SEL1L3: variants seen among roughly 807,000 people sequenced by gnomAD.
SEL1L3 encodes the protein protein sel-1 homolog 3.
SEL1L3 carries 76 observed loss-of-function variants against 142.8 expected under a neutral mutation model. That is an observed-to-expected ratio of 0.53 (90% CI 0.44 to 0.64). The LOEUF (loss-of-function observed/expected upper bound fraction) is 0.64. Ranked by LOEUF, SEL1L3 falls within the 30% of genes least tolerant of loss-of-function variation. The pLI, the probability that SEL1L3 is intolerant of heterozygous loss-of-function variation, is 0.00. For missense variants in SEL1L3, 1,262 were observed against 1,381.7 expected (o/e 0.91, Z 1.37); for synonymous variants, 504 against 519.6 (o/e 0.97, Z 0.41).
chr4:25,837,758 A>G (rs187423687), intron 2 of SEL1L3, among the ~76,000 whole-genome samples: 1 of 152,260 alleles, frequency 6.6e-6, no homozygotes, highest in Admixed American at 6.5e-5. Flanking sequence ...TCTGAATAAC[A>G]TATAGGATAT....
At chr4:25,759,201 C>G in intron 20 of SEL1L3, 133 bp from the exon 21 acceptor site, 1 of 884,672 alleles carries the variant, frequency 1.1e-6, no homozygotes, top group South Asian at 1.8e-5. Context: ...GTTTTGTCAT[C>G]TTCATTGATG....
rs201859608 is a variant in SEL1L3, at chr4:25,818,292, G to C, written c.1424-14C>G. On this transcript the variant is annotated splice_polypyrimidine_tract_variant and intron_variant, in intron 8 of 23. Coordinates refer to ENST00000399878, the MANE Select transcript of SEL1L3 (RefSeq NM_015187.5). Reference sequence around the variant, plus strand: ...TGTGGAGGTGGCCTACACAGAAGAGGGAGCAGAAGATATCACACCCTTTAG... The same window carrying C: ...TGTGGAGGTGGCCTACACAGAAGAGCGAGCAGAAGATATCACACCCTTTAG... 24 of 1,590,320 alleles carry C rather than the reference G, an allele frequency of 1.5e-5. No individual in the cohort carries two copies. The African/African-American group carries it at 3.1e-4, about 20-fold the overall frequency.
intron 17 of SEL1L3, among the ~76,000 whole-genome samples, chr4:25,772,385 A>C (rs776512996): frequency 6.6e-6 from 1 of 152,174 alleles, no homozygotes; most frequent in Non-Finnish European, 1.5e-5. Context: ...TATGGTGGGC[A>C]AGAGAGTAAA....
intron 9 of SEL1L3, among the ~76,000 whole-genome samples, chr4:25,813,683 TTCAGA>T (rs1464694457): frequency 1.3e-5 from 2 of 152,188 alleles, no homozygotes; most frequent in Non-Finnish European, 2.9e-5. Context: ...CTAAAACTGG[TTCAGA>T]TGGCAAATTT....
the SEL1L3 span, among the ~76,000 whole-genome samples, chr4:25,721,256 T>C: frequency 5.3e-5 from 8 of 152,024 alleles, 2 homozygotes; most frequent in East Asian, 1.6e-3. Context: ...TGAGTTCTGA[T>C]AAGGAGCTGC....
chr4:25,789,446 A>G lies in SEL1L3; in HGVS notation c.2076+1009T>C, dbSNP rs573692552. On this transcript the variant is annotated intron_variant, in intron 12 of 23. Transcript: ENST00000399878. The stretch of plus-strand genomic sequence containing the variant: ...AAATTAAAAATTAGCAGGGCATGGC[A>G]TGGTGGCACATGCCTATAGTTCCAG... Among the ~76,000 whole-genome samples, 6 of 152,140 alleles carry G rather than the reference A, an allele frequency of 3.9e-5. No homozygotes were observed. In the South Asian group the frequency reaches 6.2e-4, roughly 16 times the overall value.
intron 10 of SEL1L3, among the ~76,000 whole-genome samples, chr4:25,802,827 C>G (rs888165621): frequency 5.9e-5 from 9 of 152,078 alleles, no homozygotes; most frequent in African/African-American, 2.2e-4. Flanking sequence ...ATGATCTACC[C>G]GCCTCGGTTT....
Position 25,767,839 on chromosome 4 carries a change from A to G in SEL1L3, c.2670-9T>C, listed in dbSNP as rs1217519534. ...ACAGCAAAGCTTCATGCCTAAAAAT[A>G]GATGATTAATAATAAATTTCATATA... is the stretch of plus-strand genomic sequence containing the variant. On this transcript the variant is annotated splice_polypyrimidine_tract_variant and intron_variant, in intron 17 of 23. Coordinates refer to ENST00000399878, the MANE Select transcript of SEL1L3 (RefSeq NM_015187.5). 5 of 1,501,766 alleles carry G rather than the reference A, an allele frequency of 3.3e-6. No individual in the cohort carries two copies. Among genetic ancestry groups the G allele is most frequent in the Admixed American group, 3.9e-5 (2 of 51,200 alleles). 93.0% of individuals were successfully genotyped at this position (1,501,766 alleles called of 1,614,324 possible). A position where few individuals can be genotyped will look rare whatever the true frequency, so the allele number is the denominator to read the frequency against.
chr4:25,713,980 C>A, the SEL1L3 span, among the ~76,000 whole-genome samples: 1 of 152,244 alleles, frequency 6.6e-6, no homozygotes, highest in East Asian at 1.9e-4. Context: ...TGCAATTTAT[C>A]TATTTATTTT....
At chr4:25,744,380 G>A (rs985494163), downstream of SEL1L3, among the ~76,000 whole-genome samples, 2 of 119,156 alleles carry the variant, frequency 1.7e-5, no homozygotes, top group East Asian at 2.2e-4. Flanking sequence ...ACGGAGCCTC[G>A]CTCTGTCACC....
At chr4:25,854,012 T>C (rs547465467) in intron 1 of SEL1L3, among the ~76,000 whole-genome samples, 16 of 152,270 alleles carry the variant, frequency 1.1e-4, no homozygotes, top group African/African-American at 3.9e-4. Flanking sequence ...GAATTTAAAA[T>C]GATATATGTG....
chr4:25,739,730 A>C, the SEL1L3 span, among the ~76,000 whole-genome samples: 1 of 150,386 alleles, frequency 6.6e-6, no homozygotes, highest in Non-Finnish European at 1.5e-5. Context: ...CAAAAAAAAA[A>C]CCCATGTGTG....
chr4:25,789,188 A>G (rs150680114), intron 12 of SEL1L3, among the ~76,000 whole-genome samples: 25 of 152,044 alleles, frequency 1.6e-4, no homozygotes, highest in African/African-American at 6.0e-4. Context: ...TTCTCCTCTC[A>G]TCTCGTTCTC....
chr4:25,831,550 G>A (rs925633404), intron 5 of SEL1L3, among the ~76,000 whole-genome samples: 1 of 147,124 alleles, frequency 6.8e-6, no homozygotes, highest in African/African-American at 2.5e-5. Flanking sequence ...TATTGAGACA[G>A]AGTCTCACTC....
intron 16 of SEL1L3, among the ~76,000 whole-genome samples, chr4:25,776,909 C>A (rs1191009695): frequency 1.3e-5 from 2 of 151,432 alleles, no homozygotes; most frequent in African/African-American, 2.4e-5. Flanking sequence ...AAAACCCCCC[C>A]ACAGATGTGA....
At chr4:25,861,450 G>A (rs1316374878) in intron 1 of SEL1L3, among the ~76,000 whole-genome samples, 10 of 152,148 alleles carry the variant, frequency 6.6e-5, no homozygotes. Flanking sequence ...CTTGCTTCAA[G>A]AAATGAAACA....
chr4:25,804,461 G>T, intron 10 of SEL1L3, 80 bp downstream of exon 10: 3 of 1,059,204 alleles, frequency 2.8e-6, no homozygotes, highest in Non-Finnish European at 4.3e-6. Flanking sequence ...AACATGTCCA[G>T]TTCTACCAGG....
the SEL1L3 span, among the ~76,000 whole-genome samples, chr4:25,715,771 T>C: frequency 6.6e-6 from 1 of 151,022 alleles, no homozygotes; most frequent in African/African-American, 2.5e-5. Flanking sequence ...ATATTACTGG[T>C]GTGGAATAAT....
chr4:25,768,647 C>T (rs976762920), intron 17 of SEL1L3, among the ~76,000 whole-genome samples: 2 of 152,114 alleles, frequency 1.3e-5, no homozygotes, highest in Admixed American at 6.5e-5. Flanking sequence ...CATGGTAGAG[C>T]TGTGTATATG....
Sources: allele counts gnomAD v4.1 joint callset (sites outside exome capture counted in the v4.1 genomes callset), GRCh38; gene constraint gnomAD v4.1.1; transcripts MANE v1.5; gene names NCBI Gene and HGNC (gene_info 2026-07-23, HGNC 2026-07-21).